MEIS2: variants seen among roughly 807,000 people sequenced by gnomAD.
MEIS2 encodes Meis homeobox 2, also known as homeobox protein Meis2.
Under a neutral mutation model 58.6 loss-of-function variants are expected in MEIS2, and 9 were observed. The ratio of observed to expected loss-of-function variants is 0.15; its 90% CI spans 0.09 to 0.27. The LOEUF (loss-of-function observed/expected upper bound fraction) is 0.27. MEIS2 is among the 10% of genes least tolerant of loss of function. The pLI is 1.00. For missense variants in MEIS2, 427 were observed against 635.0 expected, an observed-to-expected ratio of 0.67 and a Z score of 3.52; for synonymous variants, 221 against 228.4, an observed-to-expected ratio of 0.97 and a Z score of 0.29.
At chr15:37,013,596 A>G (rs1485217450) in intron 8 of MEIS2, among the ~76,000 whole-genome samples, 1 of 148,222 alleles carries the variant, frequency 6.7e-6, no homozygotes, top group African/African-American at 2.4e-5. Flanking sequence ...ATATATATAT[A>G]TAATATTGCT....
intron 8 of MEIS2, among the ~76,000 whole-genome samples, chr15:36,995,742 A>AAAAG (rs138753356): frequency 4.8e-5 from 3 of 62,448 alleles, no homozygotes; most frequent in African/African-American, 1.7e-4. Flanking sequence ...CAAAGAAAAG[A>AAAAG]AAAGAAAGAA....
chr15:37,027,998 T>C (rs1595958482), intron 8 of MEIS2, among the ~76,000 whole-genome samples: 3 of 152,318 alleles, frequency 2.0e-5, no homozygotes, highest in South Asian at 4.2e-4. Flanking sequence ...TTGTACATTC[T>C]ATGGGTTTGG....
intron 7 of MEIS2, among the ~76,000 whole-genome samples, chr15:37,037,420 C>A (rs1160753227): frequency 3.3e-5 from 5 of 152,166 alleles, no homozygotes; most frequent in Non-Finnish European, 7.3e-5. Context: ...GCCTGCTCAG[C>A]CCCTCCTAGA....
rs1174819860 is a variant in MEIS2, at chr15:36,890,542, AGTT to A, written c.*1628_*1630del. 1 of 152,178 alleles carries A rather than the reference AGTT, an allele frequency of 6.6e-6. No individual in the cohort carries two copies. The highest frequency in any genetic ancestry group is 1.5e-5 in the Non-Finnish European group (1 of 68,014). The allele number at this position is 152,178 out of a possible 1,614,324, so 9.4% of individuals were successfully genotyped here. A position where few individuals can be genotyped will look rare whatever the true frequency, so the allele number is the denominator to read the frequency against. On this transcript the variant is annotated 3_prime_UTR_variant, in exon 12 of 12. Transcript: ENST00000561208. ...AAGTCAGAATTTCAAACTCCATAGA[AGTT>A]GTTTACTTATCTATGAACACCCATA...
chr15:37,092,832 A>G (rs971466166), intron 6 of MEIS2, among the ~76,000 whole-genome samples: 3 of 144,372 alleles, frequency 2.1e-5, no homozygotes, highest in African/African-American at 7.7e-5. Flanking sequence ...CCTGACATAC[A>G]CAGTCATTTC....
At chr15:36,940,238 C>T (rs1042956197) in intron 9 of MEIS2, among the ~76,000 whole-genome samples, 4 of 152,054 alleles carry the variant, frequency 2.6e-5, no homozygotes, top group South Asian at 2.1e-4. Flanking sequence ...AATAGTCTTG[C>T]GGGAGGCAAG....
intron 8 of MEIS2, among the ~76,000 whole-genome samples, chr15:37,029,993 G>A (rs547199741): frequency 1.1e-4 from 16 of 152,170 alleles, no homozygotes; most frequent in African/African-American, 3.6e-4. Flanking sequence ...GCGAGATGCC[G>A]TCTCTACAAT....
intron 8 of MEIS2, among the ~76,000 whole-genome samples, chr15:36,970,431 T>G (rs1433910743): frequency 1.3e-5 from 2 of 150,736 alleles, no homozygotes; most frequent in African/African-American, 4.9e-5. Flanking sequence ...CAAACATTTG[T>G]GTGTGTGTGT....
At chr15:36,949,537 T>C (rs2141386774) in intron 9 of MEIS2, among the ~76,000 whole-genome samples, 2 of 152,120 alleles carry the variant, frequency 1.3e-5, no homozygotes, top group South Asian at 4.1e-4. Flanking sequence ...GTAATTAAGT[T>C]TGTATAAGGC....
intron 7 of MEIS2, among the ~76,000 whole-genome samples, chr15:37,047,989 T>C (rs917941619): frequency 2.6e-5 from 4 of 152,208 alleles, no homozygotes; most frequent in African/African-American, 9.6e-5. Context: ...ACTGGGATTT[T>C]CTTTTTTAAA....
At chr15:36,918,377 A>G (rs2057365502) in intron 9 of MEIS2, among the ~76,000 whole-genome samples, 1 of 151,772 alleles carries the variant, frequency 6.6e-6, no homozygotes, top group African/African-American at 2.4e-5. Context: ...AGAATAAATT[A>G]TATAGTCTAC....
At chr15:37,011,586 A>G (rs970925212) in intron 8 of MEIS2, among the ~76,000 whole-genome samples, 16 of 138,866 alleles carry the variant, frequency 1.2e-4, no homozygotes, top group African/African-American at 4.1e-4. Context: ...GATTATGTTT[A>G]CAGACCAGCA....
rs59061267 is a variant in MEIS2 at position 36,952,607 on chromosome 15, CTGTGTGTGTG to C, written c.901-2217_901-2208del. 2.0e-3 allele frequency among the ~76,000 whole-genome samples: 274 copies of C among 140,084 alleles called. 4 individuals carry two copies. The East Asian group carries it at 0.038, about 19-fold the overall frequency. The allele number at this position is 140,084 out of a possible 152,430, so 91.9% of individuals were successfully genotyped here. On this transcript the variant is annotated intron_variant, in intron 8 of 11. Coordinates refer to ENST00000561208, the MANE Select transcript of MEIS2 (RefSeq NM_170675.5). ...AGAGTCTGTCTGTCTGTCTCTCTCT[CTGTGTGTGTG>C]TGTGTGTGTGTGTGTGTGTGTGTGT...
Position 36,895,247 on chromosome 15 carries a change from G to A in MEIS2, c.1051C>T (p.Pro351Ser), listed in dbSNP as rs2056111390. ...QSNRAGFLLD[P>S]SVSQGAAYSP... ...TATGCTGCTCCTTGGCTCACTGAAG[G>A]ATCAAGAAGAAAACCTGATTGTGGT... The change falls in exon 11 of 12, where the codon CCT (proline) becomes TCT (serine). Residue 351 changes from proline (P) to serine (S), a missense_variant. Transcript: ENST00000561208. 1.6e-5 allele frequency: 26 copies of A among 1,614,096 alleles called. No homozygotes were observed. Among genetic ancestry groups the A allele is most frequent in the Non-Finnish European group, 2.2e-5 (26 of 1,180,014 alleles).
At chr15:37,036,576 A>T (rs1452905390) in intron 8 of MEIS2, 13 of 409,226 alleles carry the variant, frequency 3.2e-5, no homozygotes, top group Non-Finnish European at 5.6e-5. Flanking sequence ...AGGGTCTTAG[A>T]TCATTTTAAA....
chr15:36,979,057 A>T (rs1330132821), intron 8 of MEIS2, among the ~76,000 whole-genome samples: 1 of 152,164 alleles, frequency 6.6e-6, no homozygotes, highest in South Asian at 2.1e-4. Context: ...TCCCTCTGAA[A>T]ATCTGAAACT....
At chr15:36,969,716 C>T (rs551973190) in intron 8 of MEIS2, among the ~76,000 whole-genome samples, 13 of 152,282 alleles carry the variant, frequency 8.5e-5, no homozygotes, top group African/African-American at 2.6e-4. Flanking sequence ...AGCACTAATA[C>T]AATACATATA....
At chr15:36,933,421 T>A (rs1214077431) in intron 9 of MEIS2, among the ~76,000 whole-genome samples, 5 of 152,152 alleles carry the variant, frequency 3.3e-5, no homozygotes, top group African/African-American at 1.2e-4. Flanking sequence ...TCCATCTACA[T>A]CATGGAATTT....
At chr15:36,964,084 C>T (rs2059278555) in intron 8 of MEIS2, among the ~76,000 whole-genome samples, 1 of 152,172 alleles carries the variant, frequency 6.6e-6, no homozygotes, top group African/African-American at 2.4e-5. Flanking sequence ...ATTTGCTGTT[C>T]GCTAAAGTGA....
Sources: gnomAD v4.1 joint callset for allele counts (sites outside exome capture counted in the v4.1 genomes callset) on GRCh38, gnomAD v4.1.1 for gene constraint, MANE v1.5 for transcripts, NCBI Gene and HGNC (gene_info 2026-07-23, HGNC 2026-07-21) for gene names.